The following ANKRD30B variants were observed in gnomAD, a reference collection of about 807,000 sequenced individuals.
ANKRD30B encodes ankyrin repeat domain 30B, also known as ankyrin repeat domain-containing protein 30B.
ANKRD30B carries 144 observed loss-of-function variants against 202.2 expected under a neutral mutation model. The ratio of observed to expected loss-of-function variants is 0.71; its 90% CI spans 0.62 to 0.82. The LOEUF is 0.82. Among genes scored for constraint, ANKRD30B ranks in the 40% least tolerant of loss-of-function variants. The probability of loss-of-function intolerance (pLI) is 0.00; values close to 1 mark genes in which losing one functional copy is unlikely to be tolerated. For synonymous variants in ANKRD30B, 508 were observed against 561.3 expected (o/e 0.91, Z 1.34); for missense variants, 1,487 against 1,669.1 (o/e 0.89, Z 1.90).
At chr18:14,849,083 T>TA (rs978113082) in intron 40 of ANKRD30B, among the ~76,000 whole-genome samples, 154 bp downstream of exon 40, 1 of 152,004 alleles carries the variant, frequency 6.6e-6, no homozygotes, top group African/African-American at 2.4e-5. Flanking sequence ...TAAAAGTTCT[T>TA]AAATGTGAAT....
At chr18:14,939,010 A>G in the ANKRD30B span, among the ~76,000 whole-genome samples, 1 of 152,336 alleles carries the variant, frequency 6.6e-6, no homozygotes, top group East Asian at 1.9e-4. Context: ...CATCTAGGCC[A>G]GGGTTCTGGC....
At chr18:14,914,781 A>T in the ANKRD30B span, among the ~76,000 whole-genome samples, 1 of 152,068 alleles carries the variant, frequency 6.6e-6, no homozygotes, top group Non-Finnish European at 1.5e-5. Flanking sequence ...AAGATCATAA[A>T]CTCTATTGGG....
At chr18:14,879,068 G>A in the ANKRD30B span, among the ~76,000 whole-genome samples, 2 of 151,802 alleles carry the variant, frequency 1.3e-5, no homozygotes, top group East Asian at 3.9e-4. Context: ...GCTCAGCACA[G>A]ACCCGGGGGA....
intron 24 of ANKRD30B, among the ~76,000 whole-genome samples, chr18:14,807,134 T>A (rs953786678): frequency 3.3e-5 from 5 of 150,918 alleles, no homozygotes; most frequent in Admixed American, 3.3e-4. Flanking sequence ...TCATTACTGA[T>A]CAATCAACTC....
At chr18:14,895,856 G>T in the ANKRD30B span, among the ~76,000 whole-genome samples, 1 of 152,148 alleles carries the variant, frequency 6.6e-6, no homozygotes, top group Non-Finnish European at 1.5e-5. Context: ...GGTTGCAAGG[G>T]CCTTGAGGAG....
chr18:14,939,080 C>G, the ANKRD30B span, among the ~76,000 whole-genome samples: 1 of 152,164 alleles, frequency 6.6e-6, no homozygotes, highest in Admixed American at 6.5e-5. Flanking sequence ...TCTTACTCAT[C>G]GTCTGTCTCT....
the ANKRD30B span, among the ~76,000 whole-genome samples, chr18:14,878,877 G>A: frequency 2.0e-5 from 3 of 152,286 alleles, no homozygotes; most frequent in African/African-American, 7.2e-5. Context: ...CAGCAATAGA[G>A]GGCATTCAGG....
chr18:14,852,178 A>G lies in ANKRD30B; in HGVS notation c.4234A>G (p.Thr1412Ala). 1.9e-6 allele frequency: 3 copies of G among 1,594,564 alleles called. No individual in the cohort carries two copies. In the South Asian group the frequency reaches 3.4e-5, roughly 18 times the overall value. ...TGAACAAGATAATGTGGACAAACAC[A>G]CTGAACAGCAGGAGTCTCTGGAGCA... The part of the protein sequence containing the change: ...QNEQDNVDKH[T>A]EQQESLEQKL... The change falls in exon 42 of 44, where the codon ACT becomes GCT. Residue 1412 changes from threonine to alanine, a missense_variant. Transcript: ENST00000690538.
At chr18:14,940,462 A>C in the ANKRD30B span, among the ~76,000 whole-genome samples, 1 of 152,204 alleles carries the variant, frequency 6.6e-6, no homozygotes, top group South Asian at 2.1e-4. Flanking sequence ...CAAGTCAGGC[A>C]TGTGGGAAGG....
chr18:14,879,995 T>C, the ANKRD30B span, among the ~76,000 whole-genome samples: 1 of 152,246 alleles, frequency 6.6e-6, no homozygotes, highest in East Asian at 1.9e-4. Context: ...TGTTATCTTG[T>C]AGAATTTTTA....
At chr18:14,820,050 T>G (rs1970331183) in intron 30 of ANKRD30B, among the ~76,000 whole-genome samples, 1 of 152,186 alleles carries the variant, frequency 6.6e-6, no homozygotes, top group South Asian at 2.1e-4. Context: ...AGCAGTGGTT[T>G]GTAGTTCTCC....
At chr18:14,794,528 A>C (rs1437838668) in intron 16 of ANKRD30B, among the ~76,000 whole-genome samples, 2 of 152,152 alleles carry the variant, frequency 1.3e-5, no homozygotes, top group African/African-American at 4.8e-5. Context: ...TAAAACAAGC[A>C]GATGAATTAA....
chr18:14,878,238 G>A, the ANKRD30B span, among the ~76,000 whole-genome samples: 31 of 152,272 alleles, frequency 2.0e-4, no homozygotes, highest in Admixed American at 3.9e-4. Flanking sequence ...AGTGCAGTGT[G>A]AAACATGACG....
At chr18:14,895,060 T>G in the ANKRD30B span, among the ~76,000 whole-genome samples, 1 of 151,476 alleles carries the variant, frequency 6.6e-6, no homozygotes, top group Non-Finnish European at 1.5e-5. Context: ...CTACTGCATG[T>G]TTTCACTTAT....
intron 9 of ANKRD30B, among the ~76,000 whole-genome samples, chr18:14,773,791 G>A (rs1357839093): frequency 6.6e-6 from 1 of 151,890 alleles, no homozygotes; most frequent in Non-Finnish European, 1.5e-5. Flanking sequence ...GTGTAGCTGG[G>A]ACTACAGGCG....
the ANKRD30B span, among the ~76,000 whole-genome samples, chr18:14,879,042 G>A: frequency 6.6e-6 from 1 of 152,126 alleles, no homozygotes; most frequent in African/African-American, 2.4e-5. Flanking sequence ...GCACCGCGAG[G>A]GTGCAGCTGC....
chr18:14,935,480 G>C, the ANKRD30B span, among the ~76,000 whole-genome samples: 1 of 152,218 alleles, frequency 6.6e-6, no homozygotes, highest in Non-Finnish European at 1.5e-5. Flanking sequence ...CATACTCCAA[G>C]CTCCTTCCCT....
the ANKRD30B span, among the ~76,000 whole-genome samples, chr18:14,931,899 AG>A: frequency 1.2e-4 from 1 of 8,130 alleles, no homozygotes; most frequent in African/African-American, 4.4e-4. Context: ...CCTCTGTCCC[AG>A]GCCCCCCACC....
At chr18:14,902,125 A>T in the ANKRD30B span, among the ~76,000 whole-genome samples, 1 of 152,130 alleles carries the variant, frequency 6.6e-6, no homozygotes, top group Admixed American at 6.6e-5. Context: ...CTACCACGAG[A>T]ACAGTATGGA....
Sources: gnomAD v4.1 joint callset for allele counts (sites outside exome capture counted in the v4.1 genomes callset) on GRCh38, gnomAD v4.1.1 for gene constraint, MANE v1.5 for transcripts, NCBI Gene and HGNC (gene_info 2026-07-23, HGNC 2026-07-21) for gene names.